AKAP6: variants seen among roughly 807,000 people sequenced by gnomAD.
The protein encoded by AKAP6 is A-kinase anchoring protein 6, also known as A-kinase anchor protein 6.
In AKAP6, 58 loss-of-function variants were observed where a neutral mutation model predicts 188.5. The ratio of observed to expected loss-of-function variants is 0.31; its 90% confidence interval spans 0.25 to 0.38. The LOEUF (loss-of-function observed/expected upper bound fraction) is 0.38. AKAP6 is among the 10% of genes least tolerant of loss of function. The pLI is 1.00. For synonymous variants in AKAP6, 989 were observed against 998.6 expected, an observed-to-expected ratio of 0.99 and a Z score of 0.18; for missense variants, 2,710 against 2,740.0, an observed-to-expected ratio of 0.99 and a Z score of 0.24.
intron 1 of AKAP6, among the ~76,000 whole-genome samples, chr14:32,429,377 A>G (rs12894356): frequency 0.34 from 51,219 of 152,192 alleles, 11,146 homozygotes; most frequent in Non-Finnish European, 0.48. Flanking sequence ...TAGTCCTGAT[A>G]AGAACAAGAA....
At chr14:32,371,099 C>T (rs199749704) in intron 1 of AKAP6, among the ~76,000 whole-genome samples, 1 of 101,712 alleles carries the variant, frequency 9.8e-6, no homozygotes, top group Non-Finnish European at 2.3e-5. Flanking sequence ...GGAAAAGTAA[C>T]TAAGTCCTAA....
intron 2 of AKAP6, among the ~76,000 whole-genome samples, chr14:32,452,792 G>T (rs895996458): frequency 1.3e-5 from 2 of 152,214 alleles, no homozygotes; most frequent in Admixed American, 6.5e-5. Context: ...ACTGGGGCAA[G>T]TGACTGAAAT....
chr14:32,828,745 C>T (rs2034748009), intron 13 of AKAP6, among the ~76,000 whole-genome samples: 1 of 152,202 alleles, frequency 6.6e-6, no homozygotes. Context: ...GTCATGTCCT[C>T]AGCATTTGAA....
Position 32,632,028 on chromosome 14 carries a change from C to G in AKAP6, c.2730+31236C>G, listed in dbSNP as rs144970524. On this transcript the variant is annotated intron_variant, in intron 7 of 13. Transcript: ENST00000280979. ...TAGGATTTTCAGCAGTATATTCATT[C>G]TTTTCCCTCAAGGCTTATAAACATT... 4.1e-3 allele frequency among the ~76,000 whole-genome samples: 620 copies of G among 152,086 alleles called. 3 individuals are homozygous for G. Among genetic ancestry groups the G allele is most frequent in the African/African-American group, 0.014 (599 of 41,544 alleles).
At chr14:32,331,579 G>A (rs776282528) in intron 1 of AKAP6, among the ~76,000 whole-genome samples, 1 of 152,044 alleles carries the variant, frequency 6.6e-6, no homozygotes, top group African/African-American at 2.4e-5. Flanking sequence ...TTGTTTCTTC[G>A]TTTCTTTGTA....
intron 2 of AKAP6, among the ~76,000 whole-genome samples, chr14:32,465,059 A>G (rs1370084020): frequency 6.6e-6 from 1 of 152,230 alleles, no homozygotes; most frequent in African/African-American, 2.4e-5. Flanking sequence ...TTCAAGGAGA[A>G]CTACAAACCA....
At chr14:32,511,726 CT>C (rs1018805872) in intron 2 of AKAP6, among the ~76,000 whole-genome samples, 5 of 152,106 alleles carry the variant, frequency 3.3e-5, no homozygotes, top group Non-Finnish European at 5.9e-5. Context: ...CGGCCGTCTA[CT>C]TTTGGCCACA....
intron 1 of AKAP6, among the ~76,000 whole-genome samples, chr14:32,346,299 A>G (rs1350317004): frequency 6.6e-6 from 1 of 152,186 alleles, no homozygotes; most frequent in Non-Finnish European, 1.5e-5. Context: ...TAAAATAAAG[A>G]TGGAGAGAAA....
chr14:32,737,521 A>G (rs17440720), intron 11 of AKAP6, among the ~76,000 whole-genome samples: 23,456 of 152,140 alleles, frequency 0.15, 1,890 homozygotes, highest in Middle Eastern at 0.22. Context: ...AACCCAAAGA[A>G]CAGGTACACT....
At chr14:32,715,597 T>C (rs1226021008) in intron 9 of AKAP6, among the ~76,000 whole-genome samples, 1 of 151,898 alleles carries the variant, frequency 6.6e-6, no homozygotes, top group Non-Finnish European at 1.5e-5. Context: ...TAGAGATAGA[T>C]GCATTGCAAA....
chr14:32,423,825 A>G (rs1047302412), intron 1 of AKAP6, among the ~76,000 whole-genome samples: 6 of 152,176 alleles, frequency 3.9e-5, no homozygotes, highest in Admixed American at 3.9e-4. Context: ...AAAAGTAGAA[A>G]CATTGCATGA....
Position 32,741,214 on chromosome 14 carries a change from A to T in AKAP6, c.3372+5332A>T, listed in dbSNP as rs551102170. Among the ~76,000 whole-genome samples the T allele has an allele frequency of 2.6e-5, 4 of 152,010 alleles. No homozygotes were observed. In the East Asian group the frequency reaches 7.7e-4, roughly 29 times the overall value. On this transcript the variant is annotated intron_variant, in intron 11 of 13. Transcript: ENST00000280979. ...ATATAGAAACGCTACTGATTTTGTT[A>T]TGTTGATTTTGTATCCCGCAACTTT... is the stretch of plus-strand genomic sequence containing the variant.
Position 32,599,491 on chromosome 14 carries a change from G to T in AKAP6, c.2551G>T (p.Ala851Ser). 1 of 1,613,050 alleles carries T rather than the reference G, an allele frequency of 6.2e-7. No homozygotes were observed. Among genetic ancestry groups the T allele is most frequent in the Non-Finnish European group, 8.5e-7 (1 of 1,179,402 alleles). Residue 851 changes from alanine (A) to serine (S), a missense_variant, in exon 6 of 14, where the codon GCA becomes TCA. Transcript: ENST00000280979. ...AGGACACCAACTTCTTGAGCTTATT[G>T]CATCTCACAAAGCAGGTAAATCCTC... Reference protein sequence around the residue: ...EEGHQLLELIASHKAGLKDML... With the variant: ...EEGHQLLELISSHKAGLKDML...
chr14:32,526,176 C>G (rs373919777), intron 2 of AKAP6, among the ~76,000 whole-genome samples: 81 of 152,004 alleles, frequency 5.3e-4, no homozygotes, highest in African/African-American at 1.9e-3. Context: ...GTGATCCTCC[C>G]TCCTCATCTT....
At chr14:32,753,982 C>A (rs112126340) in intron 11 of AKAP6, among the ~76,000 whole-genome samples, 3,753 of 151,898 alleles carry the variant, frequency 0.025, 139 homozygotes, top group African/African-American at 0.085. Context: ...TTACTTTTTG[C>A]TTAATATTAT....
At chr14:32,528,779 G>C (rs1882259738) in intron 2 of AKAP6, among the ~76,000 whole-genome samples, 1 of 152,080 alleles carries the variant, frequency 6.6e-6, no homozygotes, top group South Asian at 2.1e-4. Flanking sequence ...TTGGGTTCAA[G>C]TGATTCTCCT....
At chr14:32,460,467 G>A (rs990199512) in intron 2 of AKAP6, among the ~76,000 whole-genome samples, 6 of 152,182 alleles carry the variant, frequency 3.9e-5, no homozygotes, top group Non-Finnish European at 5.9e-5. Context: ...TGCTTCACCC[G>A]GGAAGTGCAA....
Position 32,735,658 on chromosome 14 carries a change from A to G in AKAP6, c.3148A>G (p.Lys1050Glu), listed in dbSNP as rs34823686. The G allele has an allele frequency of 1.6e-5, 24 of 1,545,704 alleles. 1 individual carries two copies. In the Middle Eastern group the frequency reaches 8.7e-4, roughly 56 times the overall value. Reference sequence around the variant, plus strand: ...TTTGTTTTTTAATCTGATGCATTAGAAAACCCTAGGAGAGAAGATCCAGGA... The same window carrying G: ...TTTGTTTTTTAATCTGATGCATTAGGAAACCCTAGGAGAGAAGATCCAGGA... ...SINEKWELLG[K>E]TLGEKIQDTM... The change falls in exon 11 of 14, where the codon AAA becomes GAA. Residue 1050 changes from lysine to glutamate, a missense_variant and splice_region_variant. By Grantham distance (56) the Lys-to-Glu change is moderately conservative. Transcript: ENST00000280979.
intron 5 of AKAP6, among the ~76,000 whole-genome samples, chr14:32,583,371 C>A (rs926323104): frequency 6.6e-6 from 1 of 152,266 alleles, no homozygotes; most frequent in Non-Finnish European, 1.5e-5. Context: ...GAGGAGTACC[C>A]GGCCGTGTGA....
Sources: gnomAD v4.1 joint callset for allele counts (sites outside exome capture counted in the v4.1 genomes callset) on GRCh38, gnomAD v4.1.1 for gene constraint, MANE v1.5 for transcripts, NCBI Gene and HGNC (gene_info 2026-07-23, HGNC 2026-07-21) for gene names.